Variants in PDGFC observed in about 807,000 individuals in gnomAD.
PDGFC encodes the protein platelet derived growth factor C, also known as platelet-derived growth factor C.
Under a neutral mutation model 35.5 loss-of-function variants are expected in PDGFC, and 12 were observed. The observed-to-expected ratio is 0.34, with a 90% confidence interval of 0.22 to 0.55. PDGFC has a LOEUF of 0.55. Among genes scored for constraint, PDGFC ranks in the 20% least tolerant of loss-of-function variants. The pLI is 0.91. For missense variants in PDGFC, 322 were observed against 412.4 expected, an observed-to-expected ratio of 0.78 and a Z score of 1.90; for synonymous variants, 159 against 148.8, an observed-to-expected ratio of 1.07 and a Z score of -0.50.
chr4:156,946,739 T>C (rs781188700), intron 1 of PDGFC, among the ~76,000 whole-genome samples: 26 of 151,982 alleles, frequency 1.7e-4, no homozygotes, highest in Non-Finnish European at 3.5e-4. Flanking sequence ...ACTAAGATAA[T>C]GACTTCACCT....
chr4:156,955,877 C>T (rs1385735460), intron 1 of PDGFC, among the ~76,000 whole-genome samples: 3 of 151,978 alleles, frequency 2.0e-5, no homozygotes, highest in African/African-American at 7.2e-5. Context: ...AGGCTTTGTA[C>T]TCTCTCACAA....
chr4:156,909,480 G>A (rs555894745), intron 1 of PDGFC, among the ~76,000 whole-genome samples: 1 of 152,236 alleles, frequency 6.6e-6, no homozygotes, highest in East Asian at 1.9e-4. Flanking sequence ...TTGGGAGAGT[G>A]TAATTTACAT....
intron 3 of PDGFC, among the ~76,000 whole-genome samples, chr4:156,785,329 G>A (rs148618138): frequency 1.1e-3 from 162 of 152,186 alleles, no homozygotes; most frequent in African/African-American, 3.8e-3. Flanking sequence ...AGGCTGCCAA[G>A]TAGCTGTGAT....
At chr4:156,861,163 T>C (rs1729701326) in intron 1 of PDGFC, among the ~76,000 whole-genome samples, 2 of 152,044 alleles carry the variant, frequency 1.3e-5, no homozygotes, top group Non-Finnish European at 2.9e-5. Flanking sequence ...ATTAGGAGTA[T>C]GAGTGAAAAC....
chr4:156,856,272 T>C lies in PDGFC; in HGVS notation c.119-5856A>G, dbSNP rs187632316. Among the ~76,000 whole-genome samples, 314 of 152,264 alleles carry C rather than the reference T, an allele frequency of 2.1e-3. 3 individuals carry two copies. The highest frequency in any genetic ancestry group is 0.019 in the Admixed American group (284 of 15,288). ...CTACAATTATTTAGAATATGTCCAG[T>C]TGTGGCTCCTGAGCTTATCCCAGAA... On this transcript the variant is annotated intron_variant, in intron 1 of 5. Coordinates refer to ENST00000502773, the MANE Select transcript of PDGFC (RefSeq NM_016205.3).
intron 1 of PDGFC, among the ~76,000 whole-genome samples, chr4:156,940,188 T>C (rs1731773468): frequency 6.6e-6 from 1 of 152,124 alleles, no homozygotes; most frequent in African/African-American, 2.4e-5. Flanking sequence ...ATCAATTGTT[T>C]TCCAATTTCA....
intron 3 of PDGFC, among the ~76,000 whole-genome samples, chr4:156,801,202 C>T (rs921920518): frequency 5.9e-5 from 9 of 152,030 alleles, no homozygotes; most frequent in East Asian, 1.9e-4. Context: ...GTAAAAGGAC[C>T]GATTTCCATG....
chr4:156,775,250 T>C (rs1730798001), intron 3 of PDGFC, among the ~76,000 whole-genome samples: 1 of 152,140 alleles, frequency 6.6e-6, no homozygotes, highest in Admixed American at 6.5e-5. Flanking sequence ...TGTAAAAAGT[T>C]AACGCAAATT....
At chr4:156,768,668 T>C (rs575572128) in intron 4 of PDGFC, among the ~76,000 whole-genome samples, 56 of 152,104 alleles carry the variant, frequency 3.7e-4, no homozygotes, top group African/African-American at 1.3e-3. Context: ...ACTAAACTCC[T>C]TCAGATACCT....
At chr4:156,832,374 A>G (rs1016735845) in intron 2 of PDGFC, among the ~76,000 whole-genome samples, 27 of 149,538 alleles carry the variant, frequency 1.8e-4, no homozygotes, top group African/African-American at 6.4e-4. Flanking sequence ...CTCCTGCCTC[A>G]GCCTCCTGAG....
rs536466999 is a variant in PDGFC at position 156,852,645 on chromosome 4, A to G, written c.119-2229T>C. ...AGTGTGTGAAATCTAATGGGATATT[A>G]CTCCCATGATTAGGTTAGTTGACTT... On this transcript the variant is annotated intron_variant, in intron 1 of 5. Transcript: ENST00000502773. Among the ~76,000 whole-genome samples the G allele has an allele frequency of 2.6e-5, 4 of 152,154 alleles. No homozygotes were observed. In the South Asian group the frequency reaches 6.2e-4, roughly 24 times the overall value.
At chr4:156,866,201 G>T (rs989639826) in intron 1 of PDGFC, among the ~76,000 whole-genome samples, 2 of 152,222 alleles carry the variant, frequency 1.3e-5, no homozygotes. Context: ...GTGAGAACAT[G>T]CAGTGTTTGG....
chr4:156,778,963 T>C, intron 3 of PDGFC: 1 of 294,654 alleles, frequency 3.4e-6, no homozygotes, highest in Non-Finnish European at 6.8e-6. Context: ...TAAAACAATA[T>C]TATAAAATGA....
At chr4:156,932,695 A>G (rs1731580082) in intron 1 of PDGFC, among the ~76,000 whole-genome samples, 1 of 140,474 alleles carries the variant, frequency 7.1e-6, no homozygotes, top group Non-Finnish European at 1.5e-5. Context: ...GAATTGAACA[A>G]TGAGAACACA....
At chr4:156,790,885 T>C (rs976268314) in intron 3 of PDGFC, among the ~76,000 whole-genome samples, 1 of 152,200 alleles carries the variant, frequency 6.6e-6, no homozygotes, top group African/African-American at 2.4e-5. Flanking sequence ...TTGGATGTTT[T>C]TTATTACTCC....
intron 3 of PDGFC, among the ~76,000 whole-genome samples, chr4:156,809,494 G>A (rs765462884): frequency 3.9e-5 from 6 of 151,976 alleles, no homozygotes; most frequent in Non-Finnish European, 8.8e-5. Context: ...TAAGCTGGGT[G>A]ACTGAATTGC....
chr4:156,809,492 G>T (rs1560820996), intron 3 of PDGFC, among the ~76,000 whole-genome samples: 1 of 151,962 alleles, frequency 6.6e-6, no homozygotes, highest in South Asian at 2.1e-4. Context: ...GTTAAGCTGG[G>T]TGACTGAATT....
chr4:156,886,322 G>A (rs1344013904), intron 1 of PDGFC, among the ~76,000 whole-genome samples: 2 of 152,180 alleles, frequency 1.3e-5, no homozygotes, highest in African/African-American at 2.4e-5. Context: ...AATAAGTGCA[G>A]TATTCCTAAA....
intron 1 of PDGFC, among the ~76,000 whole-genome samples, chr4:156,946,001 T>G (rs1213657198): frequency 6.6e-6 from 1 of 152,136 alleles, no homozygotes; most frequent in Non-Finnish European, 1.5e-5. Context: ...ATAGTTATCA[T>G]GCCAACAAGA....
Sources: gnomAD v4.1 joint callset for allele counts (sites outside exome capture counted in the v4.1 genomes callset) on GRCh38, gnomAD v4.1.1 for gene constraint, MANE v1.5 for transcripts, NCBI Gene and HGNC (gene_info 2026-07-23, HGNC 2026-07-21) for gene names.